The following WWOX variants were observed in gnomAD, a reference collection of about 807,000 sequenced individuals.
WWOX encodes WW domain-containing oxidoreductase.
A neutral mutation model predicts 46.2 loss-of-function variants in WWOX; 69 were observed. The observed-to-expected ratio is 1.49, with a 90% confidence interval of 1.23 to 1.82. WWOX has a LOEUF of 1.82. Among genes scored for constraint, WWOX ranks in the 40% most tolerant of loss-of-function variants. WWOX has a pLI of 0.00. For missense variants in WWOX, 919 were observed against 542.6 expected (o/e 1.69, Z -6.89); for synonymous variants, 359 against 202.6 (o/e 1.77, Z -6.56).
intron 5 of WWOX, among the ~76,000 whole-genome samples, chr16:78,236,813 A>G (rs2037454137): frequency 6.6e-6 from 1 of 152,170 alleles, no homozygotes; most frequent in Admixed American, 6.5e-5. Flanking sequence ...CCGGTGGCTC[A>G]CACCTGTAAT....
chr16:78,527,991 C>CTTTTTTTTTTTT lies in WWOX; in HGVS notation c.1056+95253_1056+95264dup, dbSNP rs71140808. The stretch of plus-strand genomic sequence containing the variant: ...CTATGTCACAGGACTGGTACATGTC[C>CTTTTTTTTTTTT]TTTTTTTTTTTTTTTTTTTTTTTTT... On this transcript the variant is annotated intron_variant, in intron 8 of 8. Transcript: ENST00000566780. 3.7e-3 allele frequency among the ~76,000 whole-genome samples: 129 copies of CTTTTTTTTTTTT among 34,872 alleles called. 24 individuals carry two copies. The highest frequency in any genetic ancestry group is 4.4e-3 in the African/African-American group (43 of 9,828). The allele number at this position is 34,872 out of a possible 152,430, so 22.9% of individuals were successfully genotyped here. A position where few individuals can be genotyped will look rare whatever the true frequency, so the allele number is the denominator to read the frequency against.
At chr16:78,874,311 G>T in intron 8 of WWOX, among the ~76,000 whole-genome samples, 1 of 151,968 alleles carries the variant, frequency 6.6e-6, no homozygotes, top group Middle Eastern at 3.2e-3. Flanking sequence ...CCCTGAGTTG[G>T]GGAGTTGAAT....
intron 8 of WWOX, chr16:78,495,931 T>C (rs1050429309): frequency 6.6e-6 from 1 of 152,240 alleles, no homozygotes; most frequent in African/African-American, 2.4e-5. Flanking sequence ...ATAAACACAT[T>C]TATAGTTCTC....
intron 8 of WWOX, among the ~76,000 whole-genome samples, chr16:78,435,964 A>T (rs960971251): frequency 4.6e-5 from 7 of 152,206 alleles, no homozygotes; most frequent in African/African-American, 1.7e-4. Flanking sequence ...ATTGAGTTCT[A>T]AAAATGTGGC....
intron 8 of WWOX, among the ~76,000 whole-genome samples, chr16:78,524,123 T>C (rs2043406648): frequency 6.6e-6 from 1 of 152,176 alleles, no homozygotes; most frequent in African/African-American, 2.4e-5. Context: ...AAACATCACT[T>C]TGTAATTCTC....
intron 8 of WWOX, among the ~76,000 whole-genome samples, chr16:78,541,938 G>T (rs1168814926): frequency 2.8e-5 from 4 of 141,620 alleles, no homozygotes; most frequent in Admixed American, 7.9e-5. Flanking sequence ...AGAATCAGTT[G>T]AGGACAGATG....
intron 8 of WWOX, 70 bp downstream of exon 8, chr16:78,432,822 C>G (rs1175598566): frequency 1.2e-6 from 2 of 1,608,950 alleles, no homozygotes; most frequent in Non-Finnish European, 1.7e-6. Flanking sequence ...GTGTCTCCAC[C>G]TTTTTACCTC....
At chr16:78,893,912 A>C (rs772891349) in intron 8 of WWOX, among the ~76,000 whole-genome samples, 2 of 152,138 alleles carry the variant, frequency 1.3e-5, no homozygotes, top group South Asian at 4.1e-4. Flanking sequence ...TTGATATGCA[A>C]TATTTTCCTT....
chr16:78,287,007 A>T (rs1431427450), intron 5 of WWOX, among the ~76,000 whole-genome samples: 1 of 152,148 alleles, frequency 6.6e-6, no homozygotes, highest in Non-Finnish European at 1.5e-5. Flanking sequence ...TTCTCTTAGG[A>T]TGCTGCCCTT....
chr16:78,579,572 T>G (rs2044995514), intron 8 of WWOX, among the ~76,000 whole-genome samples: 1 of 152,126 alleles, frequency 6.6e-6, no homozygotes, highest in Non-Finnish European at 1.5e-5. Flanking sequence ...ACTGCGGAAG[T>G]GGCTTTCTAA....
chr16:78,767,102 C>T (rs562001848), intron 8 of WWOX, among the ~76,000 whole-genome samples: 98 of 144,458 alleles, frequency 6.8e-4, no homozygotes, highest in South Asian at 2.4e-3. Flanking sequence ...CCTTTCCTCC[C>T]TTCCTTCCTT....
At chr16:78,483,985 G>T (rs2667572) in intron 8 of WWOX, among the ~76,000 whole-genome samples, 30,811 of 151,970 alleles carry the variant, frequency 0.2, 3,421 homozygotes, top group African/African-American at 0.29. Context: ...TCAGGAAAAT[G>T]GCTTACCTTA....
chr16:79,121,384 A>G (rs1421860523), intron 8 of WWOX, among the ~76,000 whole-genome samples: 5 of 152,232 alleles, frequency 3.3e-5, no homozygotes, highest in Non-Finnish European at 7.3e-5. Flanking sequence ...TGTTTACAAC[A>G]GAATATATAA....
At chr16:78,371,585 C>G (rs921839389) in intron 5 of WWOX, among the ~76,000 whole-genome samples, 1 of 152,036 alleles carries the variant, frequency 6.6e-6, no homozygotes, top group African/African-American at 2.4e-5. Flanking sequence ...TTAAATCCAT[C>G]TTTTTGTTTA....
At chr16:79,156,122 C>G (rs1055588438) in intron 8 of WWOX, among the ~76,000 whole-genome samples, 1 of 152,184 alleles carries the variant, frequency 6.6e-6, no homozygotes, top group Admixed American at 6.5e-5. Flanking sequence ...TCTGTTACTA[C>G]TAACAGTGCT....
At chr16:79,149,367 C>A (rs1279637847) in intron 8 of WWOX, among the ~76,000 whole-genome samples, 1 of 152,126 alleles carries the variant, frequency 6.6e-6, no homozygotes, top group Non-Finnish European at 1.5e-5. Context: ...GCCTTGAAGA[C>A]CTGGAATAAA....
At chr16:78,954,444 T>A (rs1350485537) in intron 8 of WWOX, among the ~76,000 whole-genome samples, 1 of 152,156 alleles carries the variant, frequency 6.6e-6, no homozygotes, top group Non-Finnish European at 1.5e-5. Context: ...AAATGATGCA[T>A]GGATAGATGA....
At chr16:78,951,369 T>C (rs916748123) in intron 8 of WWOX, among the ~76,000 whole-genome samples, 14 of 152,104 alleles carry the variant, frequency 9.2e-5, no homozygotes, top group Non-Finnish European at 8.8e-5. Flanking sequence ...CGGCTGACTC[T>C]CATTGGCCCT....
At chr16:78,125,965 TA>T (rs958361195) in intron 4 of WWOX, among the ~76,000 whole-genome samples, 9 of 152,240 alleles carry the variant, frequency 5.9e-5, no homozygotes, top group Non-Finnish European at 1.0e-4. Flanking sequence ...ATAAAAGATT[TA>T]AAAAAACCCC....
Sources: gnomAD v4.1 joint callset for allele counts (sites outside exome capture counted in the v4.1 genomes callset) on GRCh38, gnomAD v4.1.1 for gene constraint, MANE v1.5 for transcripts, NCBI Gene and HGNC (gene_info 2026-07-23, HGNC 2026-07-21) for gene names.